ARHGAP26: variants seen among roughly 807,000 people sequenced by gnomAD.
ARHGAP26 encodes rho GTPase-activating protein 26.
A neutral mutation model predicts 104.8 loss-of-function variants in ARHGAP26; 38 were observed. The ratio of observed to expected loss-of-function variants is 0.36; its 90% CI spans 0.28 to 0.48. The LOEUF is 0.48. Ranked by LOEUF, ARHGAP26 falls within the 20% of genes least tolerant of loss-of-function variation. The probability of loss-of-function intolerance (pLI) is 0.99; values close to 1 mark genes in which losing one functional copy is unlikely to be tolerated. For missense variants in ARHGAP26, 704 were observed against 947.9 expected, an observed-to-expected ratio of 0.74 and a Z score of 3.38; for synonymous variants, 341 against 340.0, an observed-to-expected ratio of 1.00 and a Z score of -0.03.
intron 19 of ARHGAP26, among the ~76,000 whole-genome samples, chr5:143,146,381 C>T (rs1438077520): frequency 6.6e-6 from 1 of 152,208 alleles, no homozygotes; most frequent in Non-Finnish European, 1.5e-5. Context: ...CATGACAGTT[C>T]CACAAGCTGT....
chr5:142,857,999 G>C (rs1237541599), intron 1 of ARHGAP26, among the ~76,000 whole-genome samples: 2 of 151,404 alleles, frequency 1.3e-5, no homozygotes, highest in African/African-American at 4.9e-5. Flanking sequence ...GCCAAATCAA[G>C]AAACACGTCT....
intron 22 of ARHGAP26, among the ~76,000 whole-genome samples, chr5:143,215,074 C>T (rs1006509975): frequency 3.9e-5 from 6 of 152,240 alleles, no homozygotes; most frequent in South Asian, 4.1e-4. Flanking sequence ...GAGTGTCCCC[C>T]ACACAGGCCC....
At chr5:142,857,662 G>GT (rs1326762152) in intron 1 of ARHGAP26, among the ~76,000 whole-genome samples, 4 of 152,284 alleles carry the variant, frequency 2.6e-5, no homozygotes, top group Admixed American at 6.5e-5. Context: ...ATGGCTTAGG[G>GT]TTTTTCCACG....
intron 10 of ARHGAP26, among the ~76,000 whole-genome samples, chr5:142,916,538 A>C (rs1762512144): frequency 6.6e-6 from 1 of 152,232 alleles, no homozygotes; most frequent in Non-Finnish European, 1.5e-5. Context: ...TGTTAAATAC[A>C]ATGTGTTTCA....
At chr5:142,898,660 C>G (rs1378093978) in intron 6 of ARHGAP26, among the ~76,000 whole-genome samples, 2 of 152,194 alleles carry the variant, frequency 1.3e-5, no homozygotes, top group Non-Finnish European at 2.9e-5. Context: ...TGACAGCACT[C>G]CTGTGCTAAG....
rs550346859 is a variant in ARHGAP26, at chr5:143,208,663, C to A, written c.2099+1355C>A. On this transcript the variant is annotated intron_variant, in intron 21 of 22. Transcript: ENST00000645722. ...CAATCCAGAATTCAGGACTTCTCCC[C>A]CTCAGCTCAGCACTCTTTCCTCCAA... Among the ~76,000 whole-genome samples, 6 of 152,214 alleles carry A rather than the reference C, an allele frequency of 3.9e-5. No homozygotes were observed. The South Asian group carries it at 1.2e-3, about 32-fold the overall frequency.
At chr5:143,184,636 C>T (rs755125029) in intron 20 of ARHGAP26, among the ~76,000 whole-genome samples, 9 of 152,198 alleles carry the variant, frequency 5.9e-5, no homozygotes, top group Admixed American at 1.3e-4. Flanking sequence ...TGTCTCTCAT[C>T]GGCCCCCTTG....
At chr5:143,188,062 A>G (rs950688204) in intron 20 of ARHGAP26, among the ~76,000 whole-genome samples, 7 of 152,206 alleles carry the variant, frequency 4.6e-5, no homozygotes, top group Admixed American at 2.0e-4. Context: ...TTTTGACCAA[A>G]TCTCAGATTA....
Position 143,227,748 on chromosome 5 carries a change from A to G in ARHGAP26, c.*5302A>G, listed in dbSNP as rs997250556. 1.3e-5 allele frequency: 3 copies of G among 226,454 alleles called. No homozygotes were observed. Among genetic ancestry groups the G allele is most frequent in the Admixed American group, 5.7e-5 (1 of 17,540 alleles). 14.0% of individuals were successfully genotyped at this position (226,454 alleles called of 1,614,324 possible). On this transcript the variant is annotated 3_prime_UTR_variant, in exon 23 of 23. Coordinates refer to ENST00000645722, the MANE Select transcript of ARHGAP26 (RefSeq NM_001135608.3). ...GAAGCACCTGTATTATTGAGAGGAA[A>G]AAGTGTTGGATGCAAAGTAACACCA...
At chr5:142,973,527 TTTTAA>T (rs1309025275) in intron 11 of ARHGAP26, among the ~76,000 whole-genome samples, 4 of 152,232 alleles carry the variant, frequency 2.6e-5, no homozygotes, top group Admixed American at 1.3e-4. Flanking sequence ...AACCTTCCAT[TTTTAA>T]ACTTTTCTGT....
chr5:142,888,025 C>G (rs1000274343), intron 5 of ARHGAP26, among the ~76,000 whole-genome samples: 2 of 152,112 alleles, frequency 1.3e-5, no homozygotes, highest in African/African-American at 2.4e-5. Flanking sequence ...GATGATATTA[C>G]TACTGCCACT....
chr5:142,784,153 T>C (rs1018156305), intron 1 of ARHGAP26, among the ~76,000 whole-genome samples: 1 of 152,238 alleles, frequency 6.6e-6, no homozygotes, highest in Non-Finnish European at 1.5e-5. Flanking sequence ...CAGCTCTGTT[T>C]AGAGCAGCAA....
chr5:142,907,509 G>A (rs988091517), intron 8 of ARHGAP26, 195 bp from the exon 9 acceptor site: 2 of 327,490 alleles, frequency 6.1e-6, no homozygotes, highest in African/African-American at 4.3e-5. Context: ...AAATCCCGGG[G>A]TTGGTTTCAT....
chr5:142,814,119 T>G (rs1423314068), intron 1 of ARHGAP26, among the ~76,000 whole-genome samples: 2 of 152,208 alleles, frequency 1.3e-5, no homozygotes, highest in Non-Finnish European at 2.9e-5. Context: ...AACCCTTGTG[T>G]CTTGGCTACT....
intron 1 of ARHGAP26, among the ~76,000 whole-genome samples, chr5:142,864,316 G>A (rs1444083435): frequency 6.6e-6 from 1 of 152,190 alleles, no homozygotes; most frequent in Non-Finnish European, 1.5e-5. Flanking sequence ...TTTGATGATA[G>A]CACTGTTTCC....
At chr5:142,808,069 A>G (rs1041558089) in intron 1 of ARHGAP26, among the ~76,000 whole-genome samples, 41 of 151,766 alleles carry the variant, frequency 2.7e-4, no homozygotes, top group African/African-American at 9.9e-4. Context: ...CCCCGTTTCT[A>G]CTAAAAATAC....
intron 10 of ARHGAP26, among the ~76,000 whole-genome samples, chr5:142,917,514 T>C (rs1008393322): frequency 6.6e-6 from 1 of 152,168 alleles, no homozygotes; most frequent in Admixed American, 6.5e-5. Flanking sequence ...CAATATAAAG[T>C]ACAATGAACT....
intron 1 of ARHGAP26, among the ~76,000 whole-genome samples, chr5:142,853,470 C>T (rs1420362356): frequency 4.6e-5 from 7 of 152,158 alleles, no homozygotes; most frequent in Admixed American, 2.6e-4. Context: ...GGATTATAGA[C>T]GTGAGCCACT....
chr5:142,949,132 A>C (rs1767635403), intron 11 of ARHGAP26, among the ~76,000 whole-genome samples: 1 of 143,858 alleles, frequency 7.0e-6, no homozygotes, highest in Non-Finnish European at 1.5e-5. Flanking sequence ...GAAAGCACAG[A>C]AATGTCCTGC....
Sources: allele counts gnomAD v4.1 joint callset (sites outside exome capture counted in the v4.1 genomes callset), GRCh38; gene constraint gnomAD v4.1.1; transcripts MANE v1.5; gene names NCBI Gene and HGNC (gene_info 2026-07-23, HGNC 2026-07-21).